ARL6IP1: variants seen among roughly 807,000 people sequenced by gnomAD.
ARL6IP1 encodes the protein ADP-ribosylation factor-like protein 6-interacting protein 1.
Under a neutral mutation model 30.1 loss-of-function variants are expected in ARL6IP1, and 16 were observed. The observed-to-expected ratio is 0.53, with a 90% CI of 0.36 to 0.81. The LOEUF (loss-of-function observed/expected upper bound fraction) is 0.81. Among genes scored for constraint, ARL6IP1 ranks in the 30% least tolerant of loss-of-function variants. The probability of loss-of-function intolerance (pLI) is 0.01; values close to 1 mark genes in which losing one functional copy is unlikely to be tolerated. For missense variants in ARL6IP1, 173 were observed against 242.7 expected (o/e 0.71, Z 1.91); for synonymous variants, 72 against 84.8 (o/e 0.85, Z 0.83).
chr16:18,794,499 C>T (rs556666751), intron 5 of ARL6IP1, 100 bp downstream of exon 5: 21 of 762,668 alleles, frequency 2.8e-5, no homozygotes, highest in East Asian at 1.9e-4. Flanking sequence ...AGTTCCTTTT[C>T]GGTGTCTAAA....
chr16:18,800,145 C>G (rs1040610538), intron 1 of ARL6IP1, among the ~76,000 whole-genome samples: 2 of 152,272 alleles, frequency 1.3e-5, no homozygotes, highest in African/African-American at 4.8e-5. Flanking sequence ...ATATTTCTGA[C>G]TTTATATTCC....
At chr16:18,797,228 A>T (rs367772310) in intron 3 of ARL6IP1, among the ~76,000 whole-genome samples, 10,798 of 151,682 alleles carry the variant, frequency 0.071, 395 homozygotes, top group African/African-American at 0.094. Context: ...AAATAAAAAA[A>T]AAAAAAATTA....
At chr16:18,796,516 A>C (rs542021880) in intron 3 of ARL6IP1, among the ~76,000 whole-genome samples, 1 of 152,396 alleles carries the variant, frequency 6.6e-6, no homozygotes, top group South Asian at 2.1e-4. Context: ...ACTGAGTCAC[A>C]TCACGAAACT....
chr16:18,795,796 A>AGTGT (rs146265293), intron 3 of ARL6IP1, among the ~76,000 whole-genome samples: 74 of 151,666 alleles, frequency 4.9e-4, no homozygotes, highest in African/African-American at 1.5e-3. Context: ...TGAGAGAGAG[A>AGTGT]GTGTGTGTGT....
chr16:18,794,057 T>C lies in ARL6IP1; in HGVS notation c.493+542A>G, dbSNP rs370036960. On this transcript the variant is annotated intron_variant, in intron 5 of 5. Coordinates refer to ENST00000304414, the MANE Select transcript of ARL6IP1 (RefSeq NM_015161.3). ...ACCTCCACCTCCTGGGTTCAGGTGA[T>C]TCTCATGCCTCAGCCTCCTAGGTAG... Among the ~76,000 whole-genome samples the C allele has an allele frequency of 3.3e-5, 5 of 152,218 alleles. No homozygotes were observed. The East Asian group carries it at 9.6e-4, about 29-fold the overall frequency.
intron 4 of ARL6IP1, 54 bp downstream of exon 4, chr16:18,795,410 A>T: frequency 7.8e-7 from 1 of 1,287,512 alleles, no homozygotes; most frequent in Non-Finnish European, 1.1e-6. Flanking sequence ...CAAAAAGGCG[A>T]ATTGACTCAA....
At chr16:18,798,472 G>T (rs970919881) in intron 2 of ARL6IP1, 2 of 462,100 alleles carry the variant, frequency 4.3e-6, no homozygotes, top group African/African-American at 2.0e-5. Flanking sequence ...GTGTCTGGAG[G>T]ACAAAAAGTT....
rs182080454 is a variant in ARL6IP1, at chr16:18,799,088, C to T, written c.37-254G>A. ...AGGCTGGAGTGCAGTGGGGAGATCT[C>T]GGCTCACTGCAGCCTCCGCCTCCTG... On this transcript the variant is annotated intron_variant, in intron 1 of 5. Coordinates refer to ENST00000304414, the MANE Select transcript of ARL6IP1 (RefSeq NM_015161.3). Among the ~76,000 whole-genome samples the T allele has an allele frequency of 2.6e-5, 4 of 151,800 alleles. No homozygotes were observed. The East Asian group carries it at 5.8e-4, about 22-fold the overall frequency.
rs776036234 is a variant in ARL6IP1, at chr16:18,794,687, G to T, written c.409-4C>A. On this transcript the variant is annotated splice_polypyrimidine_tract_variant and splice_region_variant and intron_variant, in intron 4 of 5. Transcript: ENST00000304414. Reference sequence around the variant, plus strand: ...AAACGATCATGGTCATGAAGTACTAGCAATGAAAACAAGAATTTAATATCA... The same window carrying T: ...AAACGATCATGGTCATGAAGTACTATCAATGAAAACAAGAATTTAATATCA... 2.5e-6 allele frequency: 4 copies of T among 1,608,106 alleles called. No individual in the cohort carries two copies. In the South Asian group the frequency reaches 4.4e-5, roughly 18 times the overall value.
chr16:18,801,504 T>A lies in ARL6IP1; in HGVS notation c.-38A>T, dbSNP rs191303026. On this transcript the variant is annotated 5_prime_UTR_variant, in exon 1 of 6. Transcript: ENST00000304414. The stretch of plus-strand genomic sequence containing the variant: ...GCAGTCTCTACAAGCGCAGGCCACC[T>A]CCCCAACGAGTCCTCCAACCGAAAC... 1.2e-4 allele frequency: 188 copies of A among 1,605,494 alleles called. No homozygotes were observed. Among genetic ancestry groups the A allele is most frequent in the Non-Finnish European group, 1.5e-4 (178 of 1,176,998 alleles).
chr16:18,795,487 G>C lies in ARL6IP1; in HGVS notation c.385C>G (p.Leu129Val). 1 of 1,612,626 alleles carries C rather than the reference G, an allele frequency of 6.2e-7. No individual in the cohort carries two copies. Among genetic ancestry groups the C allele is most frequent in the Admixed American group, 1.7e-5 (1 of 59,954 alleles). The part of the protein sequence containing the change: ...AVGWWKRLFT[L>V]KEEKPKMYFM... ...ACCATCTTAGGTTTTTCTTCCTTTA[G>C]TGTGAAGAGGCGTTTCCACCAACCC... is the stretch of plus-strand genomic sequence containing the variant. Residue 129 changes from leucine (L) to valine (V), a missense_variant, in exon 4 of 6, where the codon CTA (leucine) becomes GTA (valine). By Grantham distance (32) the Leu-to-Val change is conservative (BLOSUM62 1). Transcript: ENST00000304414.
In ARL6IP1 at chr16:18,801,469, T is replaced by C. The variant is rs1472162163; in HGVS notation, c.-3A>G. On this transcript the variant is annotated 5_prime_UTR_variant, in exon 1 of 6. Coordinates refer to ENST00000304414, the MANE Select transcript of ARL6IP1 (RefSeq NM_015161.3). ...CTGCGATTATCTCCCTCCGCCATCG[T>C]CTCGGGGATGCAGTCTCTACAAGCG... The C allele has an allele frequency of 1.2e-6, 2 of 1,612,636 alleles. No homozygotes were observed. Among genetic ancestry groups the C allele is most frequent in the South Asian group, 1.1e-5 (1 of 90,698 alleles).
At chr16:18,801,046 A>T (rs764194664) in intron 1 of ARL6IP1, among the ~76,000 whole-genome samples, 6 of 152,222 alleles carry the variant, frequency 3.9e-5, no homozygotes, top group Non-Finnish European at 7.3e-5. Context: ...AGGCAGGCAC[A>T]TCCAGGTTAA....
At chr16:18,794,240 C>T (rs1476319009) in intron 5 of ARL6IP1, among the ~76,000 whole-genome samples, 3 of 152,198 alleles carry the variant, frequency 2.0e-5, no homozygotes, top group Non-Finnish European at 4.4e-5. Flanking sequence ...GCTGAGCCAC[C>T]GTGACCAGCC....
chr16:18,793,268 T>C lies in ARL6IP1; in HGVS notation c.596A>G (p.Glu199Gly), dbSNP rs1482905799. 1.2e-6 allele frequency: 2 copies of C among 1,609,518 alleles called. No homozygotes were observed. Among genetic ancestry groups the C allele is most frequent in the Non-Finnish European group, 1.7e-6 (2 of 1,177,682 alleles). The change falls in exon 6 of 6, where the codon GAA becomes GGA. Residue 199 changes from glutamate (E) to glycine (G), a missense_variant. Transcript: ENST00000304414. ...REINKLLKQKEKKNE is the reference protein window; with the variant it reads ...REINKLLKQKGKKNE ...GCAGATGAATCATTCGTTTTTCTTT[T>C]CTTTTTGTTTGAGAAGTTTGTTTAT...
Position 18,795,238 on chromosome 16 carries a change from GA to G in ARL6IP1, c.408+225del. 7.7e-6 allele frequency: 3 copies of G among 389,996 alleles called. No homozygotes were observed. The Middle Eastern group carries it at 2.2e-3, about 288-fold the overall frequency. The allele number at this position is 389,996 out of a possible 1,614,324, so 24.2% of individuals were successfully genotyped here. On this transcript the variant is annotated intron_variant, in intron 4 of 5. Transcript: ENST00000304414. ...ATGTCTTTTACTATTATTTCAGTAA[GA>G]AAAATGAAACAGAAGAATTTTGTTT...
At chr16:18,798,293 G>C in intron 2 of ARL6IP1, 2 of 366,240 alleles carry the variant, frequency 5.5e-6, no homozygotes. Flanking sequence ...AGTTTAGGGA[G>C]GTGGGGGACT....
At chr16:18,800,568 C>A (rs1432721948) in intron 1 of ARL6IP1, among the ~76,000 whole-genome samples, 1 of 152,152 alleles carries the variant, frequency 6.6e-6, no homozygotes, top group African/African-American at 2.4e-5. Context: ...TCAAAACTGC[C>A]CTGAAGTCAC....
intron 5 of ARL6IP1, 33 bp downstream of exon 5, chr16:18,794,566 G>A: frequency 1.3e-6 from 2 of 1,541,534 alleles, no homozygotes. Context: ...TCACTGGCCA[G>A]GATGTGCCTG....
Sources: allele counts gnomAD v4.1 joint callset (sites outside exome capture counted in the v4.1 genomes callset), GRCh38; gene constraint gnomAD v4.1.1; transcripts MANE v1.5; gene names NCBI Gene and HGNC (gene_info 2026-07-23, HGNC 2026-07-21).